LRFN2: variants seen among roughly 807,000 people sequenced by gnomAD.
LRFN2 encodes leucine-rich repeat and fibronectin type-III domain-containing protein 2.
A neutral mutation model predicts 37.3 loss-of-function variants in LRFN2; 18 were observed. That is an observed-to-expected ratio of 0.48 (90% CI 0.33 to 0.72). The LOEUF is 0.72. Ranked by LOEUF, LRFN2 falls within the 30% of genes least tolerant of loss-of-function variation. The probability of loss-of-function intolerance (pLI) is 0.02; values close to 1 mark genes in which losing one functional copy is unlikely to be tolerated. For missense variants in LRFN2, 1,006 were observed against 1,060.7 expected, an observed-to-expected ratio of 0.95 and a Z score of 0.72; for synonymous variants, 556 against 466.6, an observed-to-expected ratio of 1.19 and a Z score of -2.47.
Position 40,392,584 on chromosome 6 carries a change from A to T in LRFN2, c.1729T>A (p.Ser577Thr). 2 of 1,607,802 alleles carry T rather than the reference A, an allele frequency of 1.2e-6. No individual in the cohort carries two copies. Among genetic ancestry groups the T allele is most frequent in the Non-Finnish European group, 1.7e-6 (2 of 1,179,826 alleles). The part of the protein sequence containing the change: ...KMAAAVSNVY[S>T]QTNGAQPPPP... ...GGTGGCTGGGCGCCGTTGGTCTGCG[A>T]GTACACATTGCTCACGGCCGCTGCC... The change falls in exon 3 of 3, where the codon TCG becomes ACG. Residue 577 changes from serine to threonine, a missense_variant. This residue lies in a region of LRFN2 where 398 missense variants were observed against 327.6 expected (regional missense o/e 1.21). Coordinates refer to ENST00000338305, the MANE Select transcript of LRFN2 (RefSeq NM_020737.3). The surrounding 1 kb of genome is among the most constrained non-coding windows in gnomAD (Gnocchi z 4.7).
At chr6:40,575,121 C>T (rs967813371) in intron 1 of LRFN2, among the ~76,000 whole-genome samples, 2 of 152,156 alleles carry the variant, frequency 1.3e-5, no homozygotes, top group East Asian at 1.9e-4. Flanking sequence ...CCAGTCACCC[C>T]TCCCAACTCC....
chr6:40,416,154 A>G (rs552646552), intron 2 of LRFN2, among the ~76,000 whole-genome samples: 1 of 152,282 alleles, frequency 6.6e-6, no homozygotes, highest in East Asian at 1.9e-4. Flanking sequence ...GATTACAGGC[A>G]TGTGCCAGCA....
intron 1 of LRFN2, among the ~76,000 whole-genome samples, chr6:40,482,314 G>C (rs577093016): frequency 5.3e-5 from 8 of 152,300 alleles, no homozygotes; most frequent in South Asian, 2.1e-4. Flanking sequence ...AGAGGTCCCA[G>C]GTTCTCAAAA....
intron 1 of LRFN2, among the ~76,000 whole-genome samples, chr6:40,504,298 G>T (rs1765470001): frequency 6.6e-6 from 1 of 152,210 alleles, no homozygotes; most frequent in Admixed American, 6.5e-5. Flanking sequence ...TCTGGGATAA[G>T]GAACTTTCTT....
chr6:40,449,321 A>G (rs1334798426), intron 1 of LRFN2, among the ~76,000 whole-genome samples: 5 of 152,254 alleles, frequency 3.3e-5, no homozygotes, highest in Non-Finnish European at 7.3e-5. Context: ...ACAAATTTTA[A>G]AAAGAGAAAA....
At chr6:40,551,008 T>C (rs1766766329) in intron 1 of LRFN2, among the ~76,000 whole-genome samples, 1 of 152,178 alleles carries the variant, frequency 6.6e-6, no homozygotes, top group Non-Finnish European at 1.5e-5. Context: ...CTTCAAGAGA[T>C]GCGTCATAAA....
chr6:40,522,623 G>A (rs1025876348), intron 1 of LRFN2, among the ~76,000 whole-genome samples: 15 of 152,154 alleles, frequency 9.9e-5, no homozygotes, highest in African/African-American at 3.6e-4. Context: ...AGGGGCTAGC[G>A]AGGGGACCGT....
Position 40,432,678 on chromosome 6 carries a change from C to G in LRFN2, c.436G>C (p.Asp146His). The G allele has an allele frequency of 6.2e-7, 1 of 1,614,150 alleles. No homozygotes were observed. Among genetic ancestry groups the G allele is most frequent in the South Asian group, 1.1e-5 (1 of 91,088 alleles). Reference protein sequence around the residue: ...LGGIADEAFEDFLLTLEDLDL... With the variant: ...LGGIADEAFEHFLLTLEDLDL... Reference sequence around the variant, plus strand: ...AGATCCTCCAATGTCAGCAGGAAGTCCTCAAAAGCCTCATCTGCGATGCCG... The same window carrying G: ...AGATCCTCCAATGTCAGCAGGAAGTGCTCAAAAGCCTCATCTGCGATGCCG... Residue 146 changes from aspartate (D) to histidine (H), a missense_variant, in exon 2 of 3, where the codon GAC (aspartate) becomes CAC (histidine). This residue lies in a region of LRFN2 where 185 missense variants were observed against 254.9 expected (regional missense o/e 0.73). Transcript: ENST00000338305.
chr6:40,449,203 T>C (rs1035754456), intron 1 of LRFN2, among the ~76,000 whole-genome samples: 1 of 152,246 alleles, frequency 6.6e-6, no homozygotes, highest in East Asian at 1.9e-4. Context: ...TTTGAGGTGA[T>C]GGATATGTTA....
chr6:40,583,032 T>C (rs1038540585), intron 1 of LRFN2, among the ~76,000 whole-genome samples: 2 of 152,184 alleles, frequency 1.3e-5, no homozygotes, highest in Admixed American at 1.3e-4. Context: ...AATCCACCTC[T>C]TCTAACTAAC....
chr6:40,438,804 C>T (rs9369203), intron 1 of LRFN2, among the ~76,000 whole-genome samples: 2 of 152,026 alleles, frequency 1.3e-5, no homozygotes, highest in Admixed American at 1.3e-4. Flanking sequence ...CCTGTCAGGC[C>T]CTGATAATAG....
chr6:40,557,960 G>C (rs1238293615), intron 1 of LRFN2, among the ~76,000 whole-genome samples: 1 of 152,174 alleles, frequency 6.6e-6, no homozygotes, highest in Non-Finnish European at 1.5e-5. Flanking sequence ...TGGTTTTGCT[G>C]TTACCTGGTT....
At chr6:40,494,878 G>T (rs189641835) in intron 1 of LRFN2, among the ~76,000 whole-genome samples, 102 of 152,202 alleles carry the variant, frequency 6.7e-4, no homozygotes, top group Non-Finnish European at 1.2e-3. Context: ...CTATTACTCA[G>T]CCCAGAGTTC....
chr6:40,476,870 G>A (rs1385090836), intron 1 of LRFN2, among the ~76,000 whole-genome samples: 3 of 152,324 alleles, frequency 2.0e-5, no homozygotes, highest in Middle Eastern at 6.8e-3. Context: ...CACACTCACT[G>A]GCAAGTAGAA....
intron 1 of LRFN2, among the ~76,000 whole-genome samples, chr6:40,510,953 T>C (rs1435967387): frequency 6.6e-6 from 1 of 152,118 alleles, no homozygotes; most frequent in Non-Finnish European, 1.5e-5. Flanking sequence ...GAAGCCAGAA[T>C]GTGCTCAGAA....
intron 1 of LRFN2, among the ~76,000 whole-genome samples, chr6:40,526,727 TC>T (rs1208270163): frequency 2.0e-5 from 3 of 151,992 alleles, no homozygotes; most frequent in Admixed American, 2.0e-4. Context: ...CCACTCAAAC[TC>T]CTCCTGCATC....
At position 40,423,233 on chromosome 6, in the gene LRFN2, G is replaced by T. The variant is rs188509454; in HGVS notation, c.1400+8481C>A. 2.5e-3 allele frequency among the ~76,000 whole-genome samples: 384 copies of T among 152,306 alleles called. 10 individuals are homozygous for T. In the East Asian group the frequency reaches 0.031, roughly 12 times the overall value. On this transcript the variant is annotated intron_variant, in intron 2 of 2. Transcript: ENST00000338305. ...TGAAGTGAAAATATTTCTGAAAGGGGTTATACCTTATACCTTGATCCCTTA... is the reference window on the plus strand; with the variant it reads ...TGAAGTGAAAATATTTCTGAAAGGGTTTATACCTTATACCTTGATCCCTTA...
chr6:40,558,272 G>A (rs1766927321), intron 1 of LRFN2, among the ~76,000 whole-genome samples: 1 of 152,206 alleles, frequency 6.6e-6, no homozygotes, highest in Non-Finnish European at 1.5e-5. Flanking sequence ...AGCAGCCTGT[G>A]TCCCCTGGCT....
In LRFN2 at chr6:40,416,858, C is replaced by G. The variant is rs959298760; in HGVS notation, c.1400+14856G>C. ...CCATTAAATGTGCAAAGAAACCCATCTTTAATGGTGGAATTCCCGGCCCTC... is the reference window on the plus strand; with the variant it reads ...CCATTAAATGTGCAAAGAAACCCATGTTTAATGGTGGAATTCCCGGCCCTC... On this transcript the variant is annotated intron_variant, in intron 2 of 2. Transcript: ENST00000338305. 2.0e-5 allele frequency among the ~76,000 whole-genome samples: 3 copies of G among 152,208 alleles called. No homozygotes were observed. In the South Asian group the frequency reaches 6.2e-4, roughly 32 times the overall value.
Sources: gnomAD v4.1 joint callset for allele counts (sites outside exome capture counted in the v4.1 genomes callset) on GRCh38, gnomAD v4.1.1 for gene constraint, gnomAD v4.1.1 regional missense constraint, Gnocchi (gnomAD v3.1) non-coding constraint, MANE v1.5 for transcripts, NCBI Gene and HGNC (gene_info 2026-07-23, HGNC 2026-07-21) for gene names.